The following CRACDL variants were observed in gnomAD, a reference collection of about 807,000 sequenced individuals.
CRACDL encodes the protein CRACD-like protein.
Under a neutral mutation model 70.6 loss-of-function variants are expected in CRACDL, and 26 were observed. That is an observed-to-expected ratio of 0.37 (90% CI 0.27 to 0.51). The LOEUF (loss-of-function observed/expected upper bound fraction) is 0.51, where lower values mean the gene tolerates loss of function less well. Among genes scored for constraint, CRACDL ranks in the 20% least tolerant of loss-of-function variants. The pLI, the probability that CRACDL is intolerant of heterozygous loss-of-function variation, is 0.94. For synonymous variants in CRACDL, 618 were observed against 615.2 expected (o/e 1.00, Z -0.07); for missense variants, 1,283 against 1,376.9 (o/e 0.93, Z 1.08).
intron 1 of CRACDL, among the ~76,000 whole-genome samples, chr2:98,853,085 C>T (rs561271728): frequency 2.6e-5 from 4 of 151,590 alleles, no homozygotes; most frequent in South Asian, 2.1e-4. Flanking sequence ...GGAGAACTTA[C>T]GAATAAACAT....
chr2:98,885,686 A>AT (rs1707781056), intron 1 of CRACDL, among the ~76,000 whole-genome samples: 1 of 152,156 alleles, frequency 6.6e-6, no homozygotes. Flanking sequence ...CCAACCAACC[A>AT]TTTTTCAAGC....
At chr2:98,915,456 G>A (rs1052459805) in intron 1 of CRACDL, among the ~76,000 whole-genome samples, 1 of 152,152 alleles carries the variant, frequency 6.6e-6, no homozygotes, top group African/African-American at 2.4e-5. Context: ...GGATGCCCGG[G>A]GACTGGTGGA....
intron 1 of CRACDL, among the ~76,000 whole-genome samples, chr2:98,914,435 A>G (rs576261380): frequency 5.9e-5 from 9 of 152,338 alleles, no homozygotes; most frequent in African/African-American, 2.2e-4. Context: ...AGCTTCCAGC[A>G]GAGCCTGCAG....
chr2:98,907,928 T>A (rs1316866358), intron 1 of CRACDL, among the ~76,000 whole-genome samples: 1 of 152,208 alleles, frequency 6.6e-6, no homozygotes, highest in Non-Finnish European at 1.5e-5. Flanking sequence ...GAGTATTTCT[T>A]GAAGCAGAAA....
intron 1 of CRACDL, among the ~76,000 whole-genome samples, chr2:98,859,760 A>G (rs1050562292): frequency 6.6e-6 from 1 of 152,210 alleles, no homozygotes; most frequent in African/African-American, 2.4e-5. Context: ...AGACAAGGAC[A>G]TCTACTGTCA....
chr2:98,917,818 CG>C (rs1708704172), intron 1 of CRACDL, among the ~76,000 whole-genome samples: 1 of 152,192 alleles, frequency 6.6e-6, no homozygotes, highest in African/African-American at 2.4e-5. Context: ...TATCATTCCA[CG>C]CTCTATGTCC....
intron 6 of CRACDL, 67 bp downstream of exon 6, chr2:98,826,908 G>C (rs182007497): frequency 9.5e-6 from 12 of 1,265,158 alleles, no homozygotes; most frequent in South Asian, 1.4e-5. Context: ...AGGCAGGTTG[G>C]GGGGGGGCAT....
At chr2:98,920,446 C>T (rs531449178) in intron 1 of CRACDL, among the ~76,000 whole-genome samples, 2 of 152,248 alleles carry the variant, frequency 1.3e-5, no homozygotes, top group East Asian at 1.9e-4. Context: ...CTTCACTGAG[C>T]GGTCATCCCA....
chr2:98,862,953 T>C (rs1706995005), intron 1 of CRACDL, among the ~76,000 whole-genome samples: 1 of 152,152 alleles, frequency 6.6e-6, no homozygotes, highest in East Asian at 1.9e-4. Context: ...TACATACATA[T>C]ATCTATATAT....
chr2:98,881,292 C>T (rs1341899860), intron 1 of CRACDL, among the ~76,000 whole-genome samples: 1 of 152,208 alleles, frequency 6.6e-6, no homozygotes, highest in Admixed American at 6.5e-5. Context: ...GCCTCAGCCC[C>T]ACCTGGGAGC....
At chr2:98,869,679 C>T (rs557161550) in intron 1 of CRACDL, among the ~76,000 whole-genome samples, 5 of 152,340 alleles carry the variant, frequency 3.3e-5, no homozygotes, top group Admixed American at 6.5e-5. Context: ...CAAAACCACC[C>T]GGCCCCTCCT....
At chr2:98,868,216 C>A (rs1314016846) in intron 1 of CRACDL, among the ~76,000 whole-genome samples, 2 of 152,202 alleles carry the variant, frequency 1.3e-5, no homozygotes, top group Non-Finnish European at 2.9e-5. Flanking sequence ...GAAAGTGAGG[C>A]TTTGAGGATG....
At chr2:98,897,729 A>C (rs1474405470) in intron 1 of CRACDL, among the ~76,000 whole-genome samples, 1 of 152,228 alleles carries the variant, frequency 6.6e-6, no homozygotes, top group Non-Finnish European at 1.5e-5. Flanking sequence ...CTGTTCACAG[A>C]CTTTTGAGCT....
rs781258791 is a variant in CRACDL, at chr2:98,822,915, G to C, written c.1358C>G (p.Pro453Arg). ...CTCGGGCTCAGGCGCCGGCCCTGGG[G>C]GCCCCTTCTCCTCATCCGGGAGCAC... ...PPVLPDEEKG[P>R]PGPAPEPERE... Residue 453 changes from proline to arginine, a missense_variant, in exon 7 of 10, where the codon CCC becomes CGC. Pro to Arg is a moderately radical substitution (Grantham distance 103). Coordinates refer to ENST00000397899, the MANE Select transcript of CRACDL (RefSeq NM_207362.3). The surrounding 1 kb of genome is among the most constrained non-coding windows in gnomAD (Gnocchi z 4.9). 6.8e-7 allele frequency: 1 copy of C among 1,473,642 alleles called. No homozygotes were observed. Among genetic ancestry groups the C allele is most frequent in the Admixed American group, 2.5e-5 (1 of 39,510 alleles). The allele number at this position is 1,473,642 out of a possible 1,614,324, so 91.3% of individuals were successfully genotyped here. A position where few individuals can be genotyped will look rare whatever the true frequency, so the allele number is the denominator to read the frequency against.
intron 1 of CRACDL, among the ~76,000 whole-genome samples, chr2:98,892,234 T>C (rs2104638136): frequency 6.6e-6 from 1 of 152,254 alleles, no homozygotes; most frequent in East Asian, 1.9e-4. Context: ...GATAAATGAA[T>C]AAATATATTC....
chr2:98,866,220 G>A (rs1342190190), intron 1 of CRACDL, among the ~76,000 whole-genome samples: 1 of 152,176 alleles, frequency 6.6e-6, no homozygotes, highest in Admixed American at 6.5e-5. Context: ...CAGATTTGAA[G>A]TATCTTATTG....
At chr2:98,799,007 A>G (rs1265353964) in intron 7 of CRACDL, among the ~76,000 whole-genome samples, 1 of 152,150 alleles carries the variant, frequency 6.6e-6, no homozygotes, top group Non-Finnish European at 1.5e-5. Flanking sequence ...TTACAGGTAC[A>G]TCAAAAGCAT....
rs569727791 is a variant in CRACDL at position 98,895,515 on chromosome 2, G to A, written c.-11+40423C>T. 4.6e-5 allele frequency among the ~76,000 whole-genome samples: 7 copies of A among 152,284 alleles called. No homozygotes were observed. The South Asian group carries it at 1.5e-3, about 32-fold the overall frequency. ...AGATGTAGAGGCCCGGAGGCAGGGG[G>A]GAACATAACCTGCTCAAGGCCCTGG... On this transcript the variant is annotated intron_variant, in intron 1 of 9. Transcript: ENST00000397899.
intron 1 of CRACDL, among the ~76,000 whole-genome samples, chr2:98,863,990 T>A (rs867394979): frequency 3.3e-5 from 5 of 152,302 alleles, no homozygotes; most frequent in Middle Eastern, 3.4e-3. Flanking sequence ...TGGACAGTGA[T>A]GATGACTGCA....
Sources: gnomAD v4.1 joint callset for allele counts (sites outside exome capture counted in the v4.1 genomes callset) on GRCh38, gnomAD v4.1.1 for gene constraint, Gnocchi (gnomAD v3.1) non-coding constraint, MANE v1.5 for transcripts, NCBI Gene and HGNC (gene_info 2026-07-23, HGNC 2026-07-21) for gene names.